The following CAPS2 variants were observed in gnomAD, a reference collection of about 807,000 sequenced individuals.
CAPS2 encodes calcyphosine 2, also known as calcyphosin-2.
Under a neutral mutation model 86.5 loss-of-function variants are expected in CAPS2, and 98 were observed. That is an observed-to-expected ratio of 1.13 (90% CI 0.96 to 1.34). CAPS2 has a LOEUF of 1.34. Ranked by LOEUF, CAPS2 falls within the 40% of genes most tolerant of loss-of-function variation. The pLI is 0.00. For missense variants in CAPS2, 729 were observed against 686.8 expected (o/e 1.06, Z -0.69); for synonymous variants, 210 against 225.1 (o/e 0.93, Z 0.60).
upstream of CAPS2, among the ~76,000 whole-genome samples, chr12:75,330,985 A>C (rs1028597696): frequency 6.6e-6 from 1 of 152,078 alleles, no homozygotes; most frequent in African/African-American, 2.4e-5. Context: ...GGGTTTCACC[A>C]TGTTGGGCAG....
intron 7 of CAPS2, among the ~76,000 whole-genome samples, chr12:75,306,968 GAGA>G (rs1179421647): frequency 1.3e-5 from 2 of 152,032 alleles, no homozygotes; most frequent in Non-Finnish European, 2.9e-5. Flanking sequence ...GCACTCAGAG[GAGA>G]AGGAGTAAGG....
intron 15 of CAPS2, 37 bp from the exon 16 acceptor site, chr12:75,282,384 T>C (rs759939193): frequency 2.9e-6 from 4 of 1,357,350 alleles, no homozygotes; most frequent in South Asian, 1.2e-5. Flanking sequence ...AGTTTGTTGG[T>C]TGGTTGTTTT....
intron 1 of CAPS2, among the ~76,000 whole-genome samples, chr12:75,325,675 T>G (rs1488867652): frequency 2.6e-5 from 4 of 151,882 alleles, no homozygotes; most frequent in African/African-American, 9.7e-5. Flanking sequence ...TTAACAGGAG[T>G]TCTGAAAGAT....
chr12:75,288,568 G>T (rs1470469813), intron 14 of CAPS2, among the ~76,000 whole-genome samples: 1 of 152,192 alleles, frequency 6.6e-6, no homozygotes, highest in Non-Finnish European at 1.5e-5. Context: ...AAGCAAAAGA[G>T]AACAATGCAA....
At chr12:75,384,864 C>A (rs933669974) in intron 1 of CAPS2, among the ~76,000 whole-genome samples, 1 of 152,108 alleles carries the variant, frequency 6.6e-6, no homozygotes, top group East Asian at 1.9e-4. Flanking sequence ...CCTCCAAATT[C>A]ATGTTAAAAT....
At chr12:75,354,903 G>A (rs1444995545) in intron 1 of CAPS2, among the ~76,000 whole-genome samples, 1 of 152,096 alleles carries the variant, frequency 6.6e-6, no homozygotes, top group Non-Finnish European at 1.5e-5. Flanking sequence ...TTAATAGATG[G>A]TGCTGGGAGA....
At chr12:75,344,256 G>C (rs1371094283) in intron 1 of CAPS2, among the ~76,000 whole-genome samples, 1 of 151,962 alleles carries the variant, frequency 6.6e-6, no homozygotes, top group African/African-American at 2.4e-5. Flanking sequence ...TTCTCTTCAA[G>C]TTACTCATGT....
intron 4 of CAPS2, among the ~76,000 whole-genome samples, chr12:75,322,203 T>C (rs555332687): frequency 6.6e-6 from 1 of 152,308 alleles, no homozygotes; most frequent in African/African-American, 2.4e-5. Context: ...CCCACTATCT[T>C]TACAGTGACC....
intron 1 of CAPS2, among the ~76,000 whole-genome samples, chr12:75,386,464 A>C (rs1347085139): frequency 6.6e-6 from 1 of 152,190 alleles, no homozygotes; most frequent in East Asian, 1.9e-4. Flanking sequence ...GCACATGTGC[A>C]AAAGAAGGGA....
At chr12:75,379,841 C>T (rs753383857) in intron 1 of CAPS2, among the ~76,000 whole-genome samples, 17 of 133,532 alleles carry the variant, frequency 1.3e-4, no homozygotes, top group Non-Finnish European at 1.9e-4. Context: ...TATTATGATG[C>T]ATCCCTATCA....
chr12:75,347,596 T>C, intron 1 of CAPS2: 1 of 1,466,724 alleles, frequency 6.8e-7, no homozygotes. Flanking sequence ...TTCCATATTT[T>C]ATCTTGACAT....
chr12:75,377,688 T>C (rs1477383148), intron 1 of CAPS2, among the ~76,000 whole-genome samples: 1 of 152,066 alleles, frequency 6.6e-6, no homozygotes, highest in African/African-American at 2.4e-5. Flanking sequence ...GCTGACTGGA[T>C]GGTACCTACC....
intron 1 of CAPS2, among the ~76,000 whole-genome samples, chr12:75,369,313 A>G (rs1422619015): frequency 6.9e-6 from 1 of 145,098 alleles, no homozygotes; most frequent in Non-Finnish European, 1.5e-5. Context: ...TACTCATCTT[A>G]TTTATTTATT....
At chr12:75,354,309 A>G (rs1051816381) in intron 1 of CAPS2, among the ~76,000 whole-genome samples, 1 of 152,122 alleles carries the variant, frequency 6.6e-6, no homozygotes, top group African/African-American at 2.4e-5. Context: ...GCAGACAAAA[A>G]AAGTCACAAG....
intron 11 of CAPS2, among the ~76,000 whole-genome samples, chr12:75,297,740 C>T (rs2037142007): frequency 6.6e-6 from 1 of 152,196 alleles, no homozygotes; most frequent in African/African-American, 2.4e-5. Flanking sequence ...TCTCCTCCAA[C>T]CAGACTGAAC....
chr12:75,357,105 A>G (rs1375054794), intron 1 of CAPS2, among the ~76,000 whole-genome samples: 1 of 152,174 alleles, frequency 6.6e-6, no homozygotes, highest in African/African-American at 2.4e-5. Flanking sequence ...TGGTAGTATA[A>G]GTAAAGCCTA....
At chr12:75,340,626 T>A (rs915033910) in intron 1 of CAPS2, among the ~76,000 whole-genome samples, 1 of 151,852 alleles carries the variant, frequency 6.6e-6, no homozygotes, top group Non-Finnish European at 1.5e-5. Context: ...TAAAGTACCC[T>A]GTTAGGAAGA....
At chr12:75,370,081 A>T in intron 1 of CAPS2, 1 of 1,583,494 alleles carries the variant, frequency 6.3e-7, no homozygotes, top group Non-Finnish European at 8.6e-7. Flanking sequence ...TTTGTTTTTG[A>T]CAGAAAATCC....
intron 1 of CAPS2, among the ~76,000 whole-genome samples, chr12:75,377,856 T>TATAC (rs1181969092): frequency 8.0e-5 from 3 of 37,626 alleles, no homozygotes; most frequent in African/African-American, 2.6e-4. Flanking sequence ...TATATATATA[T>TATAC]ATATGCGTGT....
Sources: gnomAD v4.1 joint callset for allele counts (sites outside exome capture counted in the v4.1 genomes callset) on GRCh38, gnomAD v4.1.1 for gene constraint, MANE v1.5 for transcripts, NCBI Gene and HGNC (gene_info 2026-07-23, HGNC 2026-07-21) for gene names.